MKRN1: variants seen among roughly 807,000 people sequenced by gnomAD.
MKRN1 encodes E3 ubiquitin-protein ligase makorin-1.
In MKRN1, 9 loss-of-function variants were observed where a neutral mutation model predicts 55.5. That is an observed-to-expected ratio of 0.16 (90% CI 0.10 to 0.28). The LOEUF (loss-of-function observed/expected upper bound fraction) is 0.28. MKRN1 is among the 10% of genes least tolerant of loss of function. The probability of loss-of-function intolerance (pLI) is 1.00; values close to 1 mark genes in which losing one functional copy is unlikely to be tolerated. For missense variants in MKRN1, 488 were observed against 626.7 expected, an observed-to-expected ratio of 0.78 and a Z score of 2.36; for synonymous variants, 253 against 235.9, an observed-to-expected ratio of 1.07 and a Z score of -0.66.
intron 2 of MKRN1, among the ~76,000 whole-genome samples, chr7:140,463,618 G>A (rs149577943): frequency 0.026 from 3,956 of 152,194 alleles, 76 homozygotes; most frequent in Non-Finnish European, 0.038. Context: ...GGACGCGGTG[G>A]CTCACGCCTG....
intron 2 of MKRN1, among the ~76,000 whole-genome samples, chr7:140,465,954 G>GCCT (rs1794753127): frequency 1.3e-5 from 2 of 152,036 alleles, no homozygotes; most frequent in African/African-American, 2.4e-5. Context: ...GGTGGTGCGC[G>GCCT]CCTGTAGTCC....
intron 2 of MKRN1, among the ~76,000 whole-genome samples, chr7:140,463,754 A>G (rs112023355): frequency 0.01 from 1,593 of 151,978 alleles, 25 homozygotes; most frequent in African/African-American, 0.032. Context: ...GCGTGGTGGC[A>G]GGCGCCTGTA....
chr7:140,454,809 A>G (rs1316527711), intron 7 of MKRN1, 80 bp from the exon 8 acceptor site: 2 of 1,411,756 alleles, frequency 1.4e-6, no homozygotes, highest in Non-Finnish European at 2.0e-6. Context: ...CAAAACGTCC[A>G]GCACACCAGA....
chr7:140,472,956 A>C (rs1034613863), intron 1 of MKRN1, among the ~76,000 whole-genome samples: 5 of 151,476 alleles, frequency 3.3e-5, no homozygotes, highest in African/African-American at 1.2e-4. Context: ...TCTCTACTAA[A>C]AGTACAAAAA....
chr7:140,458,868 C>T lies in MKRN1; in HGVS notation c.771+139G>A, dbSNP rs564439528. On this transcript the variant is annotated intron_variant, in intron 4 of 7. Coordinates refer to ENST00000255977, the MANE Select transcript of MKRN1 (RefSeq NM_013446.4). The stretch of plus-strand genomic sequence containing the variant: ...ACTTCTTGATAAAGCATCCAAGAAG[C>T]CCAAGAAAGGAAAACTTCCCTACTC... 1.2e-4 allele frequency: 105 copies of T among 860,240 alleles called. 1 individual carries two copies. In the South Asian group the frequency reaches 1.7e-3, roughly 14 times the overall value. 53.3% of individuals were successfully genotyped at this position (860,240 alleles called of 1,614,324 possible).
chr7:140,479,282 C>T lies in MKRN1; in HGVS notation c.63G>A (p.Ala21=). 7.2e-7 allele frequency: 1 copy of T among 1,388,060 alleles called. No homozygotes were observed. Among genetic ancestry groups the T allele is most frequent in the Non-Finnish European group, 9.3e-7 (1 of 1,070,874 alleles). 86.0% of individuals were successfully genotyped at this position (1,388,060 alleles called of 1,614,324 possible). ...GGGTGGGGGAGGCTGCTGCCGCCGT[C>T]GCCGCTGCCGCTCCTGCTCCTGATG... ...ATTSGAGAAA[A]TAAAASPTPI... is the part of the protein sequence containing the mutation. The change falls in exon 1 of 8, where the codon GCG becomes GCA. Residue 21 remains alanine (A), a synonymous_variant. Coordinates refer to ENST00000255977, the MANE Select transcript of MKRN1 (RefSeq NM_013446.4).
intron 4 of MKRN1, among the ~76,000 whole-genome samples, chr7:140,457,769 A>C (rs1160065277): frequency 6.9e-6 from 1 of 144,858 alleles, no homozygotes; most frequent in Non-Finnish European, 1.5e-5. Context: ...ATCATCACTA[A>C]ACATGTCTTT....
rs754237108 is a variant in MKRN1 at position 140,455,191 on chromosome 7, G to A, written c.1140C>T (p.Cys380=). ...CRYFDEGRGS[C]PFGGNCFYKH... ...TGTAAAAACAGTTCCCTCCAAATGG[G>A]CAGCTCCCACGTCCTTCATCAAAAT... Residue 380 remains cysteine, a synonymous_variant, in exon 7 of 8, where the codon TGC becomes TGT. Coordinates refer to ENST00000255977, the MANE Select transcript of MKRN1 (RefSeq NM_013446.4). 2 of 1,614,052 alleles carry A rather than the reference G, an allele frequency of 1.2e-6. No individual in the cohort carries two copies. Among genetic ancestry groups the A allele is most frequent in the South Asian group, 2.2e-5 (2 of 91,074 alleles).
chr7:140,453,640 G>T lies in MKRN1; in HGVS notation c.*877C>A, dbSNP rs1350783602. On this transcript the variant is annotated 3_prime_UTR_variant, in exon 8 of 8. Coordinates refer to ENST00000255977, the MANE Select transcript of MKRN1 (RefSeq NM_013446.4). ...CTAACCCCATTTCTCTATTTATATA[G>T]ACAGAGCTAGCACTGCTATATTGAC... is the stretch of plus-strand genomic sequence containing the variant. The T allele has an allele frequency of 2.0e-5, 3 of 152,234 alleles. No individual in the cohort carries two copies. Among genetic ancestry groups the T allele is most frequent in the African/African-American group, 7.2e-5 (3 of 41,420 alleles). 9.4% of individuals were successfully genotyped at this position (152,234 alleles called of 1,614,324 possible).
chr7:140,459,333 T>A (rs920382248), intron 3 of MKRN1, 100 bp from the exon 4 acceptor site: 10 of 1,175,114 alleles, frequency 8.5e-6, no homozygotes, highest in Non-Finnish European at 1.2e-5. Flanking sequence ...AAAACTGCAA[T>A]GAAATACCAA....
At position 140,478,028 on chromosome 7, in the gene MKRN1, G is replaced by A. The variant is rs117046038; in HGVS notation, c.185+1132C>T. 7 of 152,268 alleles carry A rather than the reference G, an allele frequency of 4.6e-5. No homozygotes were observed. The East Asian group carries it at 9.6e-4, about 21-fold the overall frequency. 9.4% of individuals were successfully genotyped at this position (152,268 alleles called of 1,614,324 possible). A position where few individuals can be genotyped will look rare whatever the true frequency, so the allele number is the denominator to read the frequency against. ...TTAAATGTATCATATCAAAGGCTGA[G>A]AGACCTTCGAAGGTCGCCAGGATAA... On this transcript the variant is annotated intron_variant, in intron 1 of 7. Coordinates refer to ENST00000255977, the MANE Select transcript of MKRN1 (RefSeq NM_013446.4).
At chr7:140,459,262 T>C in intron 3 of MKRN1, 29 bp from the exon 4 acceptor site, 2 of 1,605,468 alleles carry the variant, frequency 1.2e-6, no homozygotes, top group Non-Finnish European at 1.7e-6. Context: ...GTGGTAAAGG[T>C]CCAAATAGAT....
chr7:140,456,621 A>C, intron 5 of MKRN1, 31 bp downstream of exon 5: 1 of 1,606,448 alleles, frequency 6.2e-7, no homozygotes, highest in Non-Finnish European at 8.5e-7. Context: ...CAAAAGAGAA[A>C]GCACAAATGA....
intron 1 of MKRN1, among the ~76,000 whole-genome samples, chr7:140,474,006 A>AGGAAGAAAGAAAGG (rs1424576257): frequency 1.0e-4 from 1 of 9,584 alleles, no homozygotes; most frequent in African/African-American, 9.3e-4. Flanking sequence ...AAAAAAAAAA[A>AGGAAGAAAGAAAGG]AAGAAAGAAA....
chr7:140,464,458 C>T (rs1020648337), intron 2 of MKRN1, among the ~76,000 whole-genome samples: 3 of 151,822 alleles, frequency 2.0e-5, no homozygotes, highest in Non-Finnish European at 1.5e-5. Flanking sequence ...AATCCCAGCA[C>T]TTTGGGAGGC....
intron 4 of MKRN1, 104 bp downstream of exon 4, chr7:140,458,903 C>T (rs1383815157): frequency 1.6e-6 from 2 of 1,223,264 alleles, no homozygotes; most frequent in African/African-American, 1.5e-5. Context: ...CACTGATAAC[C>T]ATTCAATTCA....
chr7:140,461,709 C>T (rs1043094565), intron 2 of MKRN1, among the ~76,000 whole-genome samples: 4 of 152,058 alleles, frequency 2.6e-5, no homozygotes, highest in African/African-American at 7.2e-5. Flanking sequence ...TCCTGCTGGA[C>T]GTGGTGGCTC....
At chr7:140,466,894 C>G (rs943585420) in intron 2 of MKRN1, among the ~76,000 whole-genome samples, 3 of 151,372 alleles carry the variant, frequency 2.0e-5, no homozygotes, top group African/African-American at 7.3e-5. Flanking sequence ...CCACTGCACT[C>G]TAACCTGGGC....
chr7:140,476,748 AT>A (rs941862675), intron 1 of MKRN1, among the ~76,000 whole-genome samples: 2 of 151,584 alleles, frequency 1.3e-5, no homozygotes, highest in African/African-American at 4.9e-5. Context: ...TGCAGATAAA[AT>A]AGGGCCCTAC....
Sources: allele counts gnomAD v4.1 joint callset (sites outside exome capture counted in the v4.1 genomes callset), GRCh38; gene constraint gnomAD v4.1.1; transcripts MANE v1.5; gene names NCBI Gene and HGNC (gene_info 2026-07-23, HGNC 2026-07-21).